Variants in XKR4 observed in about 807,000 individuals in gnomAD.
The protein encoded by XKR4 is XK related 4, also known as XK-related protein 4.
XKR4 carries 12 observed loss-of-function variants against 53.9 expected under a neutral mutation model. The ratio of observed to expected loss-of-function variants is 0.22; its 90% CI spans 0.14 to 0.36. XKR4 has a LOEUF of 0.36. XKR4 is among the 10% of genes least tolerant of loss of function. The pLI is 1.00. For synonymous variants in XKR4, 354 were observed against 362.4 expected, an observed-to-expected ratio of 0.98 and a Z score of 0.26; for missense variants, 799 against 859.5, an observed-to-expected ratio of 0.93 and a Z score of 0.88.
intron 1 of XKR4, among the ~76,000 whole-genome samples, chr8:55,237,064 A>G (rs1358768173): frequency 1.3e-5 from 2 of 152,192 alleles, no homozygotes; most frequent in Non-Finnish European, 2.9e-5. Context: ...TCTGATTTGA[A>G]GTCGACTTCC....
chr8:55,189,658 C>T (rs767913878), intron 1 of XKR4, among the ~76,000 whole-genome samples: 2 of 152,208 alleles, frequency 1.3e-5, no homozygotes, highest in Non-Finnish European at 2.9e-5. Flanking sequence ...AATTTTTTAG[C>T]TTCCACTATA....
chr8:55,119,318 A>G (rs1031417433), intron 1 of XKR4, among the ~76,000 whole-genome samples: 1 of 152,076 alleles, frequency 6.6e-6, no homozygotes, highest in Non-Finnish European at 1.5e-5. Context: ...AGTCCCTCCC[A>G]GAAGAGACTC....
chr8:55,367,921 A>G (rs892164668), intron 2 of XKR4, among the ~76,000 whole-genome samples: 7 of 151,990 alleles, frequency 4.6e-5, no homozygotes, highest in South Asian at 2.1e-4. Context: ...CCTACTTGCC[A>G]CACAGCAGCC....
At chr8:55,257,667 G>A (rs1818458309) in intron 1 of XKR4, among the ~76,000 whole-genome samples, 1 of 152,100 alleles carries the variant, frequency 6.6e-6, no homozygotes, top group East Asian at 1.9e-4. Context: ...AAATACTCAT[G>A]GGTTTGCATT....
intron 2 of XKR4, among the ~76,000 whole-genome samples, chr8:55,363,230 G>C (rs758396919): frequency 1.9e-4 from 29 of 152,078 alleles, no homozygotes; most frequent in Admixed American, 2.6e-4. Flanking sequence ...AACAAATGCC[G>C]TCCCACAGGC....
At chr8:55,307,707 C>T (rs1345631777) in intron 1 of XKR4, among the ~76,000 whole-genome samples, 1 of 152,016 alleles carries the variant, frequency 6.6e-6, no homozygotes, top group Non-Finnish European at 1.5e-5. Context: ...AAATGTGCAA[C>T]ATCTTCAGAA....
chr8:55,523,680 C>T lies in XKR4; in HGVS notation c.1406C>T (p.Thr469Ile). 1 of 1,614,198 alleles carries T rather than the reference C, an allele frequency of 6.2e-7. No individual in the cohort carries two copies. ...TATTTTGTGATCCTTTTGGAAAATA[C>T]AGCCTTGAGTGCCCTCTGGTACCTC... ...IYYFVILLEN[T>I]ALSALWYLYK... The change falls in exon 3 of 3, where the codon ACA becomes ATA. Residue 469 changes from threonine (T) to isoleucine (I), a missense_variant. By Grantham distance (89) the Thr-to-Ile change is moderately conservative. This residue lies in a region of XKR4 where 269 missense variants were observed against 264.4 expected (regional missense o/e 1.02). Coordinates refer to ENST00000327381, the MANE Select transcript of XKR4 (RefSeq NM_052898.2).
intron 1 of XKR4, among the ~76,000 whole-genome samples, chr8:55,140,490 C>G (rs532753504): frequency 6.6e-6 from 1 of 152,312 alleles, no homozygotes; most frequent in African/African-American, 2.4e-5. Flanking sequence ...TGGCTTCAGC[C>G]CAAGAGCTTA....
chr8:55,353,912 G>A (rs1803761999), intron 1 of XKR4, among the ~76,000 whole-genome samples: 1 of 152,206 alleles, frequency 6.6e-6, no homozygotes, highest in African/African-American at 2.4e-5. Context: ...ATACAGAGCA[G>A]CCAAAGGTTC....
At chr8:55,232,841 G>T (rs1204141591) in intron 1 of XKR4, among the ~76,000 whole-genome samples, 1 of 152,088 alleles carries the variant, frequency 6.6e-6, no homozygotes, top group Non-Finnish European at 1.5e-5. Flanking sequence ...CTGCAGCCTG[G>T]CCCACCTTCA....
At chr8:55,103,394 A>C in intron 1 of XKR4, 100 bp downstream of exon 1, 1 of 1,487,926 alleles carries the variant, frequency 6.7e-7, no homozygotes, top group Non-Finnish European at 8.9e-7. Context: ...TTTGGTAGTA[A>C]CCCTAGTCAC....
chr8:55,206,188 A>G (rs1415762326), intron 1 of XKR4, among the ~76,000 whole-genome samples: 2 of 152,208 alleles, frequency 1.3e-5, no homozygotes, highest in Non-Finnish European at 2.9e-5. Context: ...CTTCCACACC[A>G]TGGAAGGGGG....
At chr8:55,220,218 AT>A (rs1251886719) in intron 1 of XKR4, among the ~76,000 whole-genome samples, 2 of 152,086 alleles carry the variant, frequency 1.3e-5, no homozygotes, top group Non-Finnish European at 2.9e-5. Flanking sequence ...AAAATAAATA[AT>A]TTTTTAAATG....
intron 1 of XKR4, among the ~76,000 whole-genome samples, chr8:55,157,427 A>T (rs1402661961): frequency 1.3e-5 from 2 of 151,566 alleles, no homozygotes; most frequent in African/African-American, 2.4e-5. Context: ...CATTATTTCA[A>T]CTCTTAATGT....
chr8:55,103,147 G>A lies in XKR4; in HGVS notation c.659G>A (p.Ser220Asn). The A allele has an allele frequency of 6.2e-7, 1 of 1,613,994 alleles. No homozygotes were observed. The highest frequency in any genetic ancestry group is 2.2e-5 in the East Asian group (1 of 44,854). ...CCGCAAAGGCAAGCATCTAACGCCAGCAAGAGCAACATCGCCGCGGCCAAC... is the reference window on the plus strand; with the variant it reads ...CCGCAAAGGCAAGCATCTAACGCCAACAAGAGCAACATCGCCGCGGCCAAC... Reference protein sequence around the residue: ...STPQRQASNASKSNIAAANSG... With the variant: ...STPQRQASNANKSNIAAANSG... The change falls in exon 1 of 3, where the codon AGC (serine) becomes AAC (asparagine). Residue 220 changes from serine (S) to asparagine (N), a missense_variant. Transcript: ENST00000327381.
At chr8:55,470,824 G>A (rs983608359) in intron 2 of XKR4, among the ~76,000 whole-genome samples, 5 of 151,988 alleles carry the variant, frequency 3.3e-5, no homozygotes, top group East Asian at 1.9e-4. Context: ...GACAGACAAG[G>A]AAACTGAGGA....
At chr8:55,123,995 A>G (rs1428241617) in intron 1 of XKR4, among the ~76,000 whole-genome samples, 1 of 152,172 alleles carries the variant, frequency 6.6e-6, no homozygotes, top group Non-Finnish European at 1.5e-5. Context: ...AGGTATAGCA[A>G]TCCCATGAGA....
Position 55,182,001 on chromosome 8 carries a change from C to G in XKR4, c.806+78707C>G, listed in dbSNP as rs188126451. 8.7e-4 allele frequency among the ~76,000 whole-genome samples: 132 copies of G among 152,298 alleles called. 1 individual carries two copies. Among genetic ancestry groups the G allele is most frequent in the Non-Finnish European group, 1.4e-3 (98 of 68,024 alleles). ...TCCCAAAGGCCAAGGCTGTACCTGA[C>G]TCTGTGTTGTTCCCTCCTCATGTAT... On this transcript the variant is annotated intron_variant, in intron 1 of 2. Transcript: ENST00000327381.
chr8:55,212,503 C>T (rs536556348), intron 1 of XKR4, among the ~76,000 whole-genome samples: 47 of 152,264 alleles, frequency 3.1e-4, no homozygotes, highest in African/African-American at 1.1e-3. Flanking sequence ...TCAGCTGTGC[C>T]TAAATTCCAA....
Sources: gnomAD v4.1 joint callset for allele counts (sites outside exome capture counted in the v4.1 genomes callset) on GRCh38, gnomAD v4.1.1 for gene constraint, gnomAD v4.1.1 regional missense constraint, MANE v1.5 for transcripts, NCBI Gene and HGNC (gene_info 2026-07-23, HGNC 2026-07-21) for gene names.